EPB41L5: variants seen among roughly 807,000 people sequenced by gnomAD.
The protein encoded by EPB41L5 is erythrocyte membrane protein band 4.1 like 5.
In EPB41L5, 55 loss-of-function variants were observed where a neutral mutation model predicts 106.6. The observed-to-expected ratio is 0.52, with a 90% CI of 0.42 to 0.65. The LOEUF (loss-of-function observed/expected upper bound fraction) is 0.65. Among genes scored for constraint, EPB41L5 ranks in the 30% least tolerant of loss-of-function variants. The pLI is 0.00. For synonymous variants in EPB41L5, 297 were observed against 306.7 expected, an observed-to-expected ratio of 0.97 and a Z score of 0.33; for missense variants, 871 against 882.1, an observed-to-expected ratio of 0.99 and a Z score of 0.16.
At chr2:120,108,706 G>A (rs2105421532) in intron 16 of EPB41L5, among the ~76,000 whole-genome samples, 1 of 152,198 alleles carries the variant, frequency 6.6e-6, no homozygotes, top group South Asian at 2.1e-4. Flanking sequence ...TTACAAAACT[G>A]TATTTGTAGC....
chr2:120,162,272 C>G (rs376037957), intron 21 of EPB41L5, among the ~76,000 whole-genome samples: 1 of 152,200 alleles, frequency 6.6e-6, no homozygotes, highest in Non-Finnish European at 1.5e-5. Context: ...CTCGCTAAAC[C>G]CTTAACAATT....
intron 16 of EPB41L5, among the ~76,000 whole-genome samples, chr2:120,112,269 G>T (rs1393403893): frequency 6.6e-6 from 1 of 152,130 alleles, no homozygotes; most frequent in Non-Finnish European, 1.5e-5. Context: ...GGTTTCTCAG[G>T]ACATAACCCT....
Position 120,160,899 on chromosome 2 carries a change from T to A in EPB41L5, c.1812T>A (p.Asn604Lys). The A allele has an allele frequency of 6.2e-7, 1 of 1,613,262 alleles. No homozygotes were observed. The highest frequency in any genetic ancestry group is 8.5e-7 in the Non-Finnish European group (1 of 1,179,202). The change falls in exon 21 of 25, where the codon AAT (asparagine) becomes AAA (lysine). Residue 604 changes from asparagine to lysine, a missense_variant. By Grantham distance (94) the Asn-to-Lys change is moderately conservative (BLOSUM62 0). Coordinates refer to ENST00000263713, the MANE Select transcript of EPB41L5 (RefSeq NM_020909.4). Reference protein sequence around the residue: ...AATNSAVLNENNVPLPKESLE... With the variant: ...AATNSAVLNEKNVPLPKESLE... ...TTCCTAGTGCTGTGTTAAATGAGAA[T>A]AATGTGCCCCTCCCCAAAGAGTCTC...
chr2:120,107,344 A>G (rs146384438), intron 16 of EPB41L5, among the ~76,000 whole-genome samples: 3 of 152,244 alleles, frequency 2.0e-5, no homozygotes, highest in Non-Finnish European at 4.4e-5. Flanking sequence ...TACAGTTACT[A>G]TTTTTTATGA....
At chr2:120,123,655 T>TA (rs1344675081) in intron 16 of EPB41L5, among the ~76,000 whole-genome samples, 3 of 128,094 alleles carry the variant, frequency 2.3e-5, no homozygotes, top group Non-Finnish European at 4.8e-5. Context: ...CCTTTTTTTT[T>TA]TTTTTTTTTT....
chr2:120,137,567 A>G (rs1416361712), intron 18 of EPB41L5, among the ~76,000 whole-genome samples: 1 of 152,092 alleles, frequency 6.6e-6, no homozygotes, highest in Admixed American at 6.6e-5. Flanking sequence ...AAGGATTAGT[A>G]TGAGCAACTA....
intron 16 of EPB41L5, among the ~76,000 whole-genome samples, 190 bp downstream of exon 16, chr2:120,101,004 GT>G (rs1250323729): frequency 1.3e-5 from 2 of 152,168 alleles, no homozygotes; most frequent in African/African-American, 4.8e-5. Context: ...AGGGAGTGCA[GT>G]TGTCTAAATG....
At chr2:120,110,625 A>G (rs1176613691) in intron 16 of EPB41L5, among the ~76,000 whole-genome samples, 3 of 144,360 alleles carry the variant, frequency 2.1e-5, no homozygotes, top group African/African-American at 7.7e-5. Flanking sequence ...CTCCTGCCCT[A>G]CCTTCCCCTA....
chr2:120,015,683 A>T (rs564240531), intron 1 of EPB41L5, among the ~76,000 whole-genome samples: 4 of 152,212 alleles, frequency 2.6e-5, no homozygotes, highest in African/African-American at 9.6e-5. Context: ...TCATGCGTGT[A>T]ATCCCAGCAC....
chr2:120,094,812 TGATTACTTAGGA>T (rs1189704748), intron 14 of EPB41L5, among the ~76,000 whole-genome samples: 1 of 152,218 alleles, frequency 6.6e-6, no homozygotes, highest in Non-Finnish European at 1.5e-5. Flanking sequence ...TTGACTTGTT[TGATTACTTAGGA>T]GTGTGTTGCT....
chr2:120,169,315 A>G (rs1416810333), intron 24 of EPB41L5, among the ~76,000 whole-genome samples: 1 of 152,236 alleles, frequency 6.6e-6, no homozygotes, highest in African/African-American at 2.4e-5. Flanking sequence ...TCTTGACCCA[A>G]CTCCATACCA....
chr2:120,119,009 CTT>C (rs1304049128), intron 16 of EPB41L5, among the ~76,000 whole-genome samples: 1 of 152,114 alleles, frequency 6.6e-6, no homozygotes, highest in African/African-American at 2.4e-5. Context: ...TGTTTTTTGA[CTT>C]TTTAATAATA....
chr2:120,146,685 T>C (rs1217361742), intron 20 of EPB41L5, among the ~76,000 whole-genome samples: 5 of 152,228 alleles, frequency 3.3e-5, no homozygotes, highest in Admixed American at 3.3e-4. Flanking sequence ...CTTTCTTTGC[T>C]GCTCCCTCCA....
rs897297144 is a variant in EPB41L5 at position 120,175,152 on chromosome 2, A to C, written c.*245A>C. The stretch of plus-strand genomic sequence containing the variant: ...CTTTCTATACTTTTATAAATGTTAC[A>C]AATTCCCGAAAGAAGGGAATTTCTT... On this transcript the variant is annotated 3_prime_UTR_variant, in exon 25 of 25. Coordinates refer to ENST00000263713, the MANE Select transcript of EPB41L5 (RefSeq NM_020909.4). The C allele has an allele frequency of 4.3e-6, 2 of 461,576 alleles. No homozygotes were observed. The highest frequency in any genetic ancestry group is 7.9e-6 in the Non-Finnish European group (2 of 252,684). 28.6% of individuals were successfully genotyped at this position (461,576 alleles called of 1,614,324 possible).
chr2:120,013,675 G>A (rs1677301031), intron 1 of EPB41L5: 1 of 152,246 alleles, frequency 6.6e-6, no homozygotes, highest in Non-Finnish European at 1.5e-5. Context: ...TGGGAAAGGA[G>A]AGGCAGGTGT....
chr2:120,152,291 CCTT>C (rs1686714279), intron 20 of EPB41L5, among the ~76,000 whole-genome samples: 1 of 152,086 alleles, frequency 6.6e-6, no homozygotes, highest in Non-Finnish European at 1.5e-5. Flanking sequence ...GAGATTTTTT[CCTT>C]CTTTCTGTTA....
chr2:120,124,288 T>C (rs989010518), intron 16 of EPB41L5, among the ~76,000 whole-genome samples: 4 of 152,212 alleles, frequency 2.6e-5, no homozygotes, highest in Admixed American at 2.0e-4. Flanking sequence ...TGGTACATTT[T>C]GGAGTTTCAT....
At chr2:120,083,799 A>T (rs989225331) in intron 10 of EPB41L5, among the ~76,000 whole-genome samples, 1 of 152,212 alleles carries the variant, frequency 6.6e-6, no homozygotes, top group Non-Finnish European at 1.5e-5. Context: ...TTGGGTGCAC[A>T]TATATTTAGG....
intron 3 of EPB41L5, among the ~76,000 whole-genome samples, chr2:120,072,460 A>C (rs539147635): frequency 2.0e-5 from 3 of 152,192 alleles, no homozygotes; most frequent in Non-Finnish European, 4.4e-5. Flanking sequence ...AAGTCATTCT[A>C]CTATAAAGAC....
Sources: allele counts gnomAD v4.1 joint callset (sites outside exome capture counted in the v4.1 genomes callset), GRCh38; gene constraint gnomAD v4.1.1; transcripts MANE v1.5; gene names NCBI Gene and HGNC (gene_info 2026-07-23, HGNC 2026-07-21).